DOCK10: variants seen among roughly 807,000 people sequenced by gnomAD.
The protein encoded by DOCK10 is dedicator of cytokinesis protein 10.
DOCK10 carries 145 observed loss-of-function variants against 280.1 expected under a neutral mutation model. The observed-to-expected ratio is 0.52, with a 90% confidence interval of 0.45 to 0.59. The LOEUF is 0.59. DOCK10 is among the 20% of genes least tolerant of loss of function. DOCK10 has a pLI of 0.00. For missense variants in DOCK10, 2,368 were observed against 2,651.7 expected, an observed-to-expected ratio of 0.89 and a Z score of 2.35; for synonymous variants, 915 against 942.2, an observed-to-expected ratio of 0.97 and a Z score of 0.53.
At chr2:224,950,029 T>C (rs952794984) in intron 1 of DOCK10, among the ~76,000 whole-genome samples, 1 of 152,140 alleles carries the variant, frequency 6.6e-6, no homozygotes, top group African/African-American at 2.4e-5. Context: ...AGGCTTTGAA[T>C]GCCAAGATAA....
At chr2:224,894,554 C>G (rs954786933) in intron 4 of DOCK10, among the ~76,000 whole-genome samples, 4 of 152,158 alleles carry the variant, frequency 2.6e-5, no homozygotes, top group African/African-American at 9.7e-5. Flanking sequence ...TCAGTTGTGC[C>G]TACAAAAACT....
At chr2:224,891,634 C>T (rs1041404639) in intron 4 of DOCK10, among the ~76,000 whole-genome samples, 1 of 152,064 alleles carries the variant, frequency 6.6e-6, no homozygotes, top group Admixed American at 6.6e-5. Flanking sequence ...ACAGAGAATA[C>T]CAATGAAGTC....
In DOCK10 at chr2:224,864,992, G is replaced by T. The variant is rs773920154; in HGVS notation, c.1353C>A (p.Val451=). Residue 451 remains valine (V), a synonymous_variant, in exon 12 of 56, where the codon GTC becomes GTA. Coordinates refer to ENST00000258390, the MANE Select transcript of DOCK10 (RefSeq NM_014689.3). ...CAGAAGCCCCCAAGAGCATCTGTCTGACAGCAGCATGGTTTAGATCCACAT... is the reference window on the plus strand; with the variant it reads ...CAGAAGCCCCCAAGAGCATCTGTCTTACAGCAGCATGGTTTAGATCCACAT... ...DFHVDLNHAA[V]RQMLLGASVA... 52 of 1,613,812 alleles carry T rather than the reference G, an allele frequency of 3.2e-5. No homozygotes were observed. Among genetic ancestry groups the T allele is most frequent in the Admixed American group, 1.7e-5 (1 of 59,998 alleles).
intron 1 of DOCK10, among the ~76,000 whole-genome samples, chr2:224,973,665 A>T (rs1705227347): frequency 6.6e-6 from 1 of 152,140 alleles, no homozygotes; most frequent in Non-Finnish European, 1.5e-5. Flanking sequence ...CTGTAAGACA[A>T]TATGTGTGTT....
Position 224,845,650 on chromosome 2 carries a change from G to A in DOCK10, c.2236-8C>T, listed in dbSNP as rs770889263. ...TGGTAGCTCAATTTTCACCTGCAACGAAAGAAACCATAGTTGGACTGAGAT... is the reference window on the plus strand; with the variant it reads ...TGGTAGCTCAATTTTCACCTGCAACAAAAGAAACCATAGTTGGACTGAGAT... On this transcript the variant is annotated splice_region_variant and splice_polypyrimidine_tract_variant and intron_variant, in intron 19 of 55. Transcript: ENST00000258390. 22 of 1,605,976 alleles carry A rather than the reference G, an allele frequency of 1.4e-5. No individual in the cohort carries two copies. Among genetic ancestry groups the A allele is most frequent in the Admixed American group, 3.4e-5 (2 of 58,404 alleles).
intron 26 of DOCK10, 93 bp downstream of exon 26, chr2:224,834,057 G>C (rs1342169908): frequency 2.7e-6 from 2 of 734,774 alleles, no homozygotes; most frequent in African/African-American, 1.8e-5. Context: ...AAGAGAAAAA[G>C]TCTATGAAAA....
At chr2:224,785,987 G>C (rs1172444595) in intron 50 of DOCK10, among the ~76,000 whole-genome samples, 1 of 152,096 alleles carries the variant, frequency 6.6e-6, no homozygotes, top group East Asian at 1.9e-4. Flanking sequence ...ATGAGGTCAG[G>C]AGTTCAAGAC....
At position 224,805,607 on chromosome 2, in the gene DOCK10, C is replaced by A; in HGVS notation, c.3815-78G>T. On this transcript the variant is annotated intron_variant, in intron 34 of 55. Coordinates refer to ENST00000258390, the MANE Select transcript of DOCK10 (RefSeq NM_014689.3). This position sits in a 1 kb window ranked among gnomAD's most constrained non-coding sequence, Gnocchi z 4.3. The stretch of plus-strand genomic sequence containing the variant: ...CACACAAAAGGTTCACATGATGAAC[C>A]AAAAAGATGTTGATACTGAGGTAGC... The A allele has an allele frequency of 6.4e-7, 1 of 1,570,400 alleles. No individual in the cohort carries two copies. The highest frequency in any genetic ancestry group is 1.8e-5 in the Admixed American group (1 of 57,140).
chr2:224,774,290 G>A (rs1228358490), intron 52 of DOCK10, among the ~76,000 whole-genome samples: 1 of 152,162 alleles, frequency 6.6e-6, no homozygotes, highest in East Asian at 1.9e-4. Flanking sequence ...CCGCTCATCT[G>A]AAATTCTTGC....
rs112976099 is a variant in DOCK10, at chr2:224,993,202, G to GTTTTTTTT, written c.123+49042_123+49049dup. Among the ~76,000 whole-genome samples the GTTTTTTTT allele has an allele frequency of 8.7e-3, 1,188 of 136,126 alleles. 15 individuals are homozygous for GTTTTTTTT. Among genetic ancestry groups the GTTTTTTTT allele is most frequent in the Non-Finnish European group, 0.011 (693 of 62,618 alleles). 89.3% of individuals were successfully genotyped at this position (136,126 alleles called of 152,430 possible). On this transcript the variant is annotated intron_variant, in intron 1 of 55. Transcript: ENST00000258390. ...AGACTCAGATGGTCTTTCTTTGGAA[G>GTTTTTTTT]TTTTTTTTTTTTTTTTGCTGTCCAA...
At chr2:224,991,233 C>T (rs967145466) in intron 1 of DOCK10, among the ~76,000 whole-genome samples, 6 of 152,158 alleles carry the variant, frequency 3.9e-5, no homozygotes, top group African/African-American at 1.4e-4. Flanking sequence ...TGAAATAACG[C>T]AGCCTAGAAA....
intron 1 of DOCK10, among the ~76,000 whole-genome samples, chr2:225,016,487 TTA>T (rs2106083830): frequency 6.6e-6 from 1 of 150,434 alleles, no homozygotes; most frequent in Non-Finnish European, 1.5e-5. Flanking sequence ...GCAATTCCTC[TTA>T]TATATGTGTA....
rs376278998 is a variant in DOCK10, at chr2:224,874,766, C to T, written c.932-15G>A. On this transcript the variant is annotated splice_polypyrimidine_tract_variant and intron_variant, in intron 8 of 55. Coordinates refer to ENST00000258390, the MANE Select transcript of DOCK10 (RefSeq NM_014689.3). The stretch of plus-strand genomic sequence containing the variant: ...ATCCAGCGAATCTTAAAAAGATATA[C>T]CAAGTCAGGTTATTAAATATTACTC... The T allele has an allele frequency of 1.9e-6, 3 of 1,607,208 alleles. No homozygotes were observed. Among genetic ancestry groups the T allele is most frequent in the Non-Finnish European group, 1.7e-6 (2 of 1,174,016 alleles).
In DOCK10 at chr2:224,835,003, C is replaced by T. The variant is rs1024896792; in HGVS notation, c.2851-740G>A. On this transcript the variant is annotated intron_variant, in intron 25 of 55. Transcript: ENST00000258390. ...ACATTTCTTCATAATTTTCACAATTCGGATTTCACCGTAATTGAGAGTGAA... is the reference window on the plus strand; with the variant it reads ...ACATTTCTTCATAATTTTCACAATTTGGATTTCACCGTAATTGAGAGTGAA... 1.4e-4 allele frequency among the ~76,000 whole-genome samples: 21 copies of T among 152,228 alleles called. No individual in the cohort carries two copies. The East Asian group carries it at 3.3e-3, about 24-fold the overall frequency.
intron 50 of DOCK10, among the ~76,000 whole-genome samples, chr2:224,780,887 G>C (rs990551957): frequency 1.4e-5 from 2 of 144,776 alleles, no homozygotes; most frequent in Non-Finnish European, 3.0e-5. Flanking sequence ...GTGACACAGT[G>C]AGACTCTGTC....
chr2:224,933,231 C>T (rs935697288), intron 1 of DOCK10, among the ~76,000 whole-genome samples: 14 of 152,186 alleles, frequency 9.2e-5, no homozygotes, highest in African/African-American at 3.1e-4. Context: ...TTTCTGGAAT[C>T]ATTGCCTTTT....
chr2:225,041,063 C>A (rs1219376193), intron 1 of DOCK10, among the ~76,000 whole-genome samples: 1 of 152,156 alleles, frequency 6.6e-6, no homozygotes, highest in Non-Finnish European at 1.5e-5. Context: ...TCTACACCCC[C>A]TGGGCACCCG....
intron 26 of DOCK10, 22 bp from the exon 27 acceptor site, chr2:224,830,634 C>G (rs760323949): frequency 7.5e-6 from 11 of 1,460,956 alleles, no homozygotes; most frequent in African/African-American, 1.4e-5. Flanking sequence ...AAAAAGGCAA[C>G]GAGACATTTA....
intron 2 of DOCK10, among the ~76,000 whole-genome samples, chr2:224,926,317 T>C (rs144282034): frequency 2.2e-4 from 33 of 152,338 alleles, no homozygotes; most frequent in African/African-American, 7.0e-4. Flanking sequence ...AATCAGACAT[T>C]GTGTTGGGTA....
Sources: allele counts gnomAD v4.1 joint callset (sites outside exome capture counted in the v4.1 genomes callset), GRCh38; gene constraint gnomAD v4.1.1; non-coding constraint Gnocchi (gnomAD v3.1); transcripts MANE v1.5; gene names NCBI Gene and HGNC (gene_info 2026-07-23, HGNC 2026-07-21).